Variants in MYRIP observed in about 807,000 individuals in gnomAD.
The protein encoded by MYRIP is rab effector MyRIP.
A neutral mutation model predicts 98.0 loss-of-function variants in MYRIP; 49 were observed. The ratio of observed to expected loss-of-function variants is 0.50; its 90% CI spans 0.40 to 0.63. The LOEUF is 0.63. Ranked by LOEUF, MYRIP falls within the 30% of genes least tolerant of loss-of-function variation. The probability of loss-of-function intolerance (pLI) is 0.00; values close to 1 mark genes in which losing one functional copy is unlikely to be tolerated. For synonymous variants in MYRIP, 404 were observed against 409.5 expected, an observed-to-expected ratio of 0.99 and a Z score of 0.16; for missense variants, 1,004 against 1,058.2, an observed-to-expected ratio of 0.95 and a Z score of 0.71.
intron 2 of MYRIP, among the ~76,000 whole-genome samples, chr3:39,929,969 G>A (rs11129855): frequency 0.015 from 2,320 of 152,038 alleles, 45 homozygotes; most frequent in East Asian, 0.094. Context: ...ATTAGTTGAT[G>A]ACCTGAGTTG....
chr3:40,022,263 A>G (rs1483641915), intron 2 of MYRIP, among the ~76,000 whole-genome samples: 1 of 152,208 alleles, frequency 6.6e-6, no homozygotes, highest in Non-Finnish European at 1.5e-5. Context: ...TCATTGTCCT[A>G]TCAAAGGCAC....
intron 3 of MYRIP, among the ~76,000 whole-genome samples, chr3:40,137,322 A>G (rs1427083235): frequency 1.3e-5 from 2 of 152,244 alleles, no homozygotes; most frequent in Non-Finnish European, 2.9e-5. Context: ...CAGTCTCCCA[A>G]GACTAAACCA....
intron 3 of MYRIP, among the ~76,000 whole-genome samples, chr3:40,132,844 A>G (rs1042841613): frequency 3.9e-5 from 6 of 152,258 alleles, no homozygotes; most frequent in African/African-American, 1.4e-4. Flanking sequence ...GGCACACAGC[A>G]TGTGCTGGCA....
rs796242922 is a variant in MYRIP, at chr3:40,204,224, AATATATAT to A, written c.1666-5625_1666-5618del. ...ATTATATATTTATATATTATATATA[AATATATAT>A]ATATTTTTTTTTTTTGAGACAGAGT... On this transcript the variant is annotated intron_variant, in intron 10 of 16. Coordinates refer to ENST00000302541, the MANE Select transcript of MYRIP (RefSeq NM_015460.4). Among the ~76,000 whole-genome samples the A allele has an allele frequency of 1.9e-3, 10 of 5,370 alleles. 1 individual carries two copies. Among genetic ancestry groups the A allele is most frequent in the Admixed American group, 5.3e-3 (1 of 190 alleles). The allele number at this position is 5,370 out of a possible 152,430, so 3.5% of individuals were successfully genotyped here. A position where few individuals can be genotyped will look rare whatever the true frequency, so the allele number is the denominator to read the frequency against.
chr3:39,825,976 T>C (rs1024665858), intron 1 of MYRIP, among the ~76,000 whole-genome samples: 48 of 152,262 alleles, frequency 3.2e-4, no homozygotes, highest in Admixed American at 8.5e-4. Context: ...TATATAGTTG[T>C]TTATAATAGT....
chr3:39,838,603 C>T (rs552829529), intron 1 of MYRIP, among the ~76,000 whole-genome samples: 4 of 151,852 alleles, frequency 2.6e-5, no homozygotes, highest in African/African-American at 4.8e-5. Context: ...CTGCTGGATT[C>T]GGTTTGCTAG....
chr3:40,144,126 A>T (rs1949964828), intron 3 of MYRIP, among the ~76,000 whole-genome samples: 1 of 152,218 alleles, frequency 6.6e-6, no homozygotes, highest in Non-Finnish European at 1.5e-5. Context: ...GCCTTGAACA[A>T]ACAAGAGAAT....
chr3:39,887,554 A>G (rs1357877239), intron 1 of MYRIP, among the ~76,000 whole-genome samples: 1 of 152,170 alleles, frequency 6.6e-6, no homozygotes, highest in Non-Finnish European at 1.5e-5. Flanking sequence ...ATCTATGACA[A>G]ACCCACAGCC....
chr3:39,864,050 A>G (rs532699256), intron 1 of MYRIP, among the ~76,000 whole-genome samples: 3 of 152,330 alleles, frequency 2.0e-5, no homozygotes, highest in East Asian at 3.8e-4. Context: ...AACAAAAATC[A>G]TATGATGATC....
intron 2 of MYRIP, among the ~76,000 whole-genome samples, chr3:39,907,077 A>T (rs1318195172): frequency 1.3e-5 from 2 of 151,800 alleles, no homozygotes; most frequent in Non-Finnish European, 2.9e-5. Context: ...ACTCTTGAGT[A>T]CCGAACTCCT....
chr3:40,099,530 G>T (rs1948900836), intron 3 of MYRIP, among the ~76,000 whole-genome samples: 1 of 152,158 alleles, frequency 6.6e-6, no homozygotes. Context: ...CTCCATCACA[G>T]TATATGTTTA....
chr3:39,813,786 G>T (rs1439790018), intron 1 of MYRIP, among the ~76,000 whole-genome samples: 3 of 152,224 alleles, frequency 2.0e-5, no homozygotes, highest in Non-Finnish European at 4.4e-5. Context: ...TGAAAGATGA[G>T]AACTTGGGGT....
intron 2 of MYRIP, among the ~76,000 whole-genome samples, chr3:39,912,701 G>T: frequency 6.6e-6 from 1 of 152,158 alleles, no homozygotes; most frequent in Non-Finnish European, 1.5e-5. Context: ...CTCATCATCT[G>T]GTAGTGCCAA....
chr3:40,190,491 A>G, intron 10 of MYRIP, 28 bp downstream of exon 10: 8 of 1,551,100 alleles, frequency 5.2e-6, no homozygotes, highest in Non-Finnish European at 7.0e-6. Context: ...GTGCAAATGC[A>G]CACACACTCT....
At chr3:40,151,770 G>C (rs1189125176) in intron 4 of MYRIP, among the ~76,000 whole-genome samples, 2 of 152,190 alleles carry the variant, frequency 1.3e-5, no homozygotes. Context: ...CAGTAGAAAA[G>C]AATGGTAGTC....
chr3:39,817,948 T>C (rs1940974890), intron 1 of MYRIP, among the ~76,000 whole-genome samples: 1 of 152,230 alleles, frequency 6.6e-6, no homozygotes, highest in Non-Finnish European at 1.5e-5. Flanking sequence ...TTGAATAATA[T>C]GGACCATATG....
At chr3:40,198,867 A>G (rs1951473012) in intron 10 of MYRIP, among the ~76,000 whole-genome samples, 2 of 152,344 alleles carry the variant, frequency 1.3e-5, no homozygotes, top group South Asian at 4.1e-4. Context: ...TAATAGGTGT[A>G]TGCCTTGCTC....
intron 2 of MYRIP, among the ~76,000 whole-genome samples, chr3:40,041,306 A>G (rs993785289): frequency 9.4e-6 from 1 of 106,046 alleles, no homozygotes; most frequent in Non-Finnish European, 2.0e-5. Context: ...CTCCCCACAA[A>G]TTACTTGTAA....
chr3:40,097,415 G>A (rs1948853205), intron 3 of MYRIP, among the ~76,000 whole-genome samples: 1 of 152,178 alleles, frequency 6.6e-6, no homozygotes, highest in East Asian at 1.9e-4. Flanking sequence ...TTTCCAAAGA[G>A]TGAGTTCTAA....
Sources: gnomAD v4.1 joint callset for allele counts (sites outside exome capture counted in the v4.1 genomes callset) on GRCh38, gnomAD v4.1.1 for gene constraint, MANE v1.5 for transcripts, NCBI Gene and HGNC (gene_info 2026-07-23, HGNC 2026-07-21) for gene names.